The following ZNF441 variants were observed in gnomAD, a reference collection of about 807,000 sequenced individuals.
ZNF441 encodes the protein zinc finger protein 441.
In ZNF441, 25 loss-of-function variants were observed where a neutral mutation model predicts 64.5. The ratio of observed to expected loss-of-function variants is 0.39; its 90% CI spans 0.28 to 0.54. The LOEUF is 0.54. ZNF441 is among the 20% of genes least tolerant of loss of function. The probability of loss-of-function intolerance (pLI) is 0.70; values close to 1 mark genes in which losing one functional copy is unlikely to be tolerated. For synonymous variants in ZNF441, 262 were observed against 268.0 expected (o/e 0.98, Z 0.22); for missense variants, 715 against 843.3 (o/e 0.85, Z 1.88).
chr19:11,771,298 T>C (rs1268656866), intron 1 of ZNF441, among the ~76,000 whole-genome samples: 1 of 152,186 alleles, frequency 6.6e-6, no homozygotes. Context: ...ACCAATTCCT[T>C]GAATGACACA....
At chr19:11,778,585 G>A (rs1161486691) in intron 3 of ZNF441, among the ~76,000 whole-genome samples, 192 bp downstream of exon 3, 1 of 152,116 alleles carries the variant, frequency 6.6e-6, no homozygotes, top group Non-Finnish European at 1.5e-5. Flanking sequence ...AACCTCCTGA[G>A]TAGCTAGGGT....
In ZNF441 at chr19:11,780,123, T is replaced by G. The variant is rs1364535294; in HGVS notation, c.299T>G (p.Val100Gly). ...ATTGTGAACGAGAAAATACCTGGAG[T>G]AGATCCATGGGAAAGCAGTGAGTGT... is the stretch of plus-strand genomic sequence containing the variant. ...DSIVNEKIPG[V>G]DPWESSECTD... Residue 100 changes from valine (V) to glycine (G), a missense_variant, in exon 4 of 4, where the codon GTA becomes GGA. Val to Gly is a moderately radical substitution (Grantham distance 109, BLOSUM62 -3). Coordinates refer to ENST00000357901, the MANE Select transcript of ZNF441 (RefSeq NM_152355.3). 11 of 1,613,834 alleles carry G rather than the reference T, an allele frequency of 6.8e-6. No homozygotes were observed. The highest frequency in any genetic ancestry group is 9.3e-6 in the Non-Finnish European group (11 of 1,179,994).
intron 1 of ZNF441, among the ~76,000 whole-genome samples, chr19:11,775,667 G>A (rs1412581492): frequency 2.5e-5 from 3 of 120,326 alleles, no homozygotes; most frequent in Middle Eastern, 7.7e-3. Flanking sequence ...TTGCTTTATC[G>A]CCCAGGCTGG....
chr19:11,771,758 G>GCGGA (rs1260094552), intron 1 of ZNF441, among the ~76,000 whole-genome samples: 2 of 152,224 alleles, frequency 1.3e-5, no homozygotes, highest in African/African-American at 4.8e-5. Flanking sequence ...CCGTTGCCAG[G>GCGGA]CGGTCCGTGG....
chr19:11,767,018 C>A lies in ZNF441; in HGVS notation c.-176C>A. The A allele has an allele frequency of 1.1e-6, 1 of 896,928 alleles. No homozygotes were observed. Among genetic ancestry groups the A allele is most frequent in the Non-Finnish European group, 1.7e-6 (1 of 587,172 alleles). 55.6% of individuals were successfully genotyped at this position (896,928 alleles called of 1,614,324 possible). On this transcript the variant is annotated 5_prime_UTR_variant, in exon 1 of 4. Coordinates refer to ENST00000357901, the MANE Select transcript of ZNF441 (RefSeq NM_152355.3). This position sits in a 1 kb window ranked among gnomAD's most constrained non-coding sequence, Gnocchi z 5.1. The stretch of plus-strand genomic sequence containing the variant: ...GAGAACTGTCAATCAGGCGCACTGA[C>A]CGGAGGAGGGTGCAAGGTTCAAAGA...
rs760096566 is a variant in ZNF441 at position 11,781,718 on chromosome 19, A to G, written c.1894A>G (p.Ile632Val). The part of the protein sequence containing the change: ...KAFSHSSYLR[I>V]HERVHTGEKP... ...CTTCAGTCATTCAAGTTACTTACGAATACACGAAAGAGTTCATACTGGAGA... is the reference window on the plus strand; with the variant it reads ...CTTCAGTCATTCAAGTTACTTACGAGTACACGAAAGAGTTCATACTGGAGA... Residue 632 changes from isoleucine to valine, a missense_variant, in exon 4 of 4, where the codon ATA (isoleucine) becomes GTA (valine). Coordinates refer to ENST00000357901, the MANE Select transcript of ZNF441 (RefSeq NM_152355.3). The G allele has an allele frequency of 6.2e-7, 1 of 1,614,110 alleles. No homozygotes were observed. Among genetic ancestry groups the G allele is most frequent in the Non-Finnish European group, 8.5e-7 (1 of 1,179,964 alleles).
At chr19:11,771,583 C>T (rs540041041) in intron 1 of ZNF441, among the ~76,000 whole-genome samples, 239 of 152,284 alleles carry the variant, frequency 1.6e-3, no homozygotes, top group African/African-American at 5.5e-3. Flanking sequence ...TAATAATCCT[C>T]ACTCTATAAT....
chr19:11,771,875 T>C (rs1975316775), intron 1 of ZNF441, among the ~76,000 whole-genome samples: 1 of 152,196 alleles, frequency 6.6e-6, no homozygotes, highest in African/African-American at 2.4e-5. Context: ...CTCCACCTCT[T>C]GTGGAGGGCC....
intron 1 of ZNF441, among the ~76,000 whole-genome samples, chr19:11,770,823 A>G (rs1439745354): frequency 1.3e-5 from 2 of 151,926 alleles, no homozygotes; most frequent in African/African-American, 4.8e-5. Flanking sequence ...TCCTGGGCTC[A>G]AGCAGTCTGC....
intron 1 of ZNF441, among the ~76,000 whole-genome samples, chr19:11,776,120 G>T (rs563844227): frequency 2.6e-5 from 4 of 152,184 alleles, no homozygotes; most frequent in Non-Finnish European, 5.9e-5. Context: ...ATAAAAAAGA[G>T]AACTTTCTTT....
At chr19:11,768,617 G>C (rs190564509) in intron 1 of ZNF441, among the ~76,000 whole-genome samples, 1 of 152,340 alleles carries the variant, frequency 6.6e-6, no homozygotes, top group Non-Finnish European at 1.5e-5. Flanking sequence ...AGTGTCAAGT[G>C]AATATCAGTC....
At position 11,780,796 on chromosome 19, in the gene ZNF441, A is replaced by G. The variant is rs972185997; in HGVS notation, c.972A>G (p.Arg324=). ...GKGFLSPSSV[R]RHKRTHTGEK... is the part of the protein sequence containing the mutation. ...GCTTTCTTTCTCCCAGTTCAGTTCG[A>G]AGACATAAAAGAACTCACACTGGAG... Residue 324 remains arginine (R), a synonymous_variant, in exon 4 of 4, where the codon CGA becomes CGG. Coordinates refer to ENST00000357901, the MANE Select transcript of ZNF441 (RefSeq NM_152355.3). 1 of 1,614,046 alleles carries G rather than the reference A, an allele frequency of 6.2e-7. No homozygotes were observed. Among genetic ancestry groups the G allele is most frequent in the Admixed American group, 1.7e-5 (1 of 60,012 alleles).
In ZNF441 at chr19:11,780,801, A is replaced by C; in HGVS notation, c.977A>C (p.His326Pro). 6.2e-7 allele frequency: 1 copy of C among 1,614,194 alleles called. No individual in the cohort carries two copies. Among genetic ancestry groups the C allele is most frequent in the South Asian group, 1.1e-5 (1 of 91,084 alleles). ...GFLSPSSVRR[H>P]KRTHTGEKPY... ...CTTTCTCCCAGTTCAGTTCGAAGAC[A>C]TAAAAGAACTCACACTGGAGAGAAA... The change falls in exon 4 of 4, where the codon CAT (histidine) becomes CCT (proline). Residue 326 changes from histidine (H) to proline (P), a missense_variant. By Grantham distance (77) the His-to-Pro change is moderately conservative. Transcript: ENST00000357901.
intron 1 of ZNF441, among the ~76,000 whole-genome samples, chr19:11,773,740 T>G (rs1385381752): frequency 6.6e-6 from 1 of 152,192 alleles, no homozygotes; most frequent in Non-Finnish European, 1.5e-5. Context: ...AAAATCTTAT[T>G]TGTCTGAATT....
rs770596468 is a variant in ZNF441, at chr19:11,781,951, C to T, written c.*45C>T. ...TGAACATGTGAGAAAGCCTTAAGTA[C>T]TTTCAGCTTCTTACAAATACATAAG... On this transcript the variant is annotated 3_prime_UTR_variant, in exon 4 of 4. Coordinates refer to ENST00000357901, the MANE Select transcript of ZNF441 (RefSeq NM_152355.3). 2 of 1,434,922 alleles carry T rather than the reference C, an allele frequency of 1.4e-6. No individual in the cohort carries two copies. The highest frequency in any genetic ancestry group is 4.6e-5 in the East Asian group (2 of 43,480). The allele number at this position is 1,434,922 out of a possible 1,614,324, so 88.9% of individuals were successfully genotyped here.
Position 11,780,609 on chromosome 19 carries a change from G to A in ZNF441, c.785G>A (p.Ser262Asn), listed in dbSNP as rs1975393747. The A allele has an allele frequency of 6.2e-7, 1 of 1,613,968 alleles. No individual in the cohort carries two copies. Among genetic ancestry groups the A allele is most frequent in the South Asian group, 1.1e-5 (1 of 91,076 alleles). The change falls in exon 4 of 4, where the codon AGT becomes AAT. Residue 262 changes from serine (S) to asparagine (N), a missense_variant. Physicochemically the swap from Ser to Asn is conservative, Grantham distance 46. Coordinates refer to ENST00000357901, the MANE Select transcript of ZNF441 (RefSeq NM_152355.3). Reference sequence around the variant, plus strand: ...TGTAAACAATGTGGGAAAGCCTTCAGTTGTTCCTGTTACACTCAACTATAT... The same window carrying A: ...TGTAAACAATGTGGGAAAGCCTTCAATTGTTCCTGTTACACTCAACTATAT... ...YQCKQCGKAF[S>N]CSCYTQLYER...
At chr19:11,772,133 C>T (rs1415417388) in intron 1 of ZNF441, among the ~76,000 whole-genome samples, 1 of 152,236 alleles carries the variant, frequency 6.6e-6, no homozygotes, top group African/African-American at 2.4e-5. Context: ...GGGAAGGGCC[C>T]CCGTCCAGTG....
intron 1 of ZNF441, among the ~76,000 whole-genome samples, chr19:11,776,556 T>C (rs1371734607): frequency 1.3e-5 from 2 of 152,232 alleles, no homozygotes; most frequent in African/African-American, 4.8e-5. Context: ...GAGATGACAT[T>C]GAGTTTTTTT....
chr19:11,777,309 C>G (rs55910214), intron 1 of ZNF441, among the ~76,000 whole-genome samples: 1 of 151,874 alleles, frequency 6.6e-6, no homozygotes, highest in Non-Finnish European at 1.5e-5. Flanking sequence ...TTTGTCATGA[C>G]AAGAACTGCA....
Sources: gnomAD v4.1 joint callset for allele counts (sites outside exome capture counted in the v4.1 genomes callset) on GRCh38, gnomAD v4.1.1 for gene constraint, Gnocchi (gnomAD v3.1) non-coding constraint, MANE v1.5 for transcripts, NCBI Gene and HGNC (gene_info 2026-07-23, HGNC 2026-07-21) for gene names.